TAF3: variants seen among roughly 807,000 people sequenced by gnomAD.
TAF3 encodes TATA-box binding protein associated factor 3.
In TAF3, 7 loss-of-function variants were observed where a neutral mutation model predicts 80.6. The ratio of observed to expected loss-of-function variants is 0.09; its 90% CI spans 0.05 to 0.16. The LOEUF is 0.16. Among genes scored for constraint, TAF3 ranks in the 10% least tolerant of loss-of-function variants. TAF3 has a pLI of 1.00. For synonymous variants in TAF3, 444 were observed against 446.1 expected (o/e 1.00, Z 0.06); for missense variants, 921 against 1,140.2 (o/e 0.81, Z 2.77).
In TAF3 at chr10:8,016,231, C is replaced by G. The variant is rs1832103012; in HGVS notation, c.*1480C>G. ...GATCTGTTGGATGCTAGAATATGGGCTTTGAACCTAATACAAATATATTAC... is the reference window on the plus strand; with the variant it reads ...GATCTGTTGGATGCTAGAATATGGGGTTTGAACCTAATACAAATATATTAC... On this transcript the variant is annotated 3_prime_UTR_variant, in exon 7 of 7. Coordinates refer to ENST00000344293, the MANE Select transcript of TAF3 (RefSeq NM_031923.4). 6.6e-6 allele frequency: 1 copy of G among 152,136 alleles called. No homozygotes were observed. Among genetic ancestry groups the G allele is most frequent in the South Asian group, 2.1e-4 (1 of 4,832 alleles). The allele number at this position is 152,136 out of a possible 1,614,324, so 9.4% of individuals were successfully genotyped here.
At chr10:8,014,015 G>T (rs7073640) in intron 6 of TAF3, among the ~76,000 whole-genome samples, 178 bp downstream of exon 6, 8 of 147,952 alleles carry the variant, frequency 5.4e-5, no homozygotes, top group African/African-American at 1.7e-4. Context: ...ACCCAAGAGT[G>T]CTTAGACTAT....
At chr10:8,002,244 C>A (rs1364632389) in intron 4 of TAF3, among the ~76,000 whole-genome samples, 1 of 152,206 alleles carries the variant, frequency 6.6e-6, no homozygotes, top group African/African-American at 2.4e-5. Context: ...AATTCTTTCA[C>A]TTGCTCTGTT....
At chr10:8,010,394 C>T (rs1325506508) in intron 5 of TAF3, among the ~76,000 whole-genome samples, 1 of 152,160 alleles carries the variant, frequency 6.6e-6, no homozygotes, top group Non-Finnish European at 1.5e-5. Context: ...CATGGTGGTA[C>T]TGAAATCTCA....
intron 2 of TAF3, among the ~76,000 whole-genome samples, chr10:7,855,406 A>AG (rs1417742451): frequency 6.6e-6 from 1 of 152,220 alleles, no homozygotes; most frequent in African/African-American, 2.4e-5. Context: ...CCTGAAAACA[A>AG]GGGGGAATTC....
intron 2 of TAF3, among the ~76,000 whole-genome samples, chr10:7,891,955 A>G (rs1450517025): frequency 6.6e-6 from 1 of 152,258 alleles, no homozygotes; most frequent in African/African-American, 2.4e-5. Flanking sequence ...TACAATATGT[A>G]TATAAATTGT....
At chr10:7,996,530 A>C (rs1831888807) in intron 4 of TAF3, among the ~76,000 whole-genome samples, 1 of 152,222 alleles carries the variant, frequency 6.6e-6, no homozygotes, top group Non-Finnish European at 1.5e-5. Context: ...AAAATCAGAA[A>C]GCAAAAATAT....
At chr10:7,977,468 G>C (rs1831684584) in intron 4 of TAF3, 145 bp downstream of exon 4, 1 of 624,956 alleles carries the variant, frequency 1.6e-6, no homozygotes, top group South Asian at 3.4e-5. Flanking sequence ...TCGTTTTCAA[G>C]TTTTTATTGG....
intron 4 of TAF3, among the ~76,000 whole-genome samples, chr10:7,989,512 C>G (rs528462465): frequency 6.6e-6 from 1 of 152,204 alleles, no homozygotes; most frequent in African/African-American, 2.4e-5. Flanking sequence ...TTTAAATTTC[C>G]TATGAAATAC....
chr10:7,919,743 T>A (rs537583250), intron 2 of TAF3, among the ~76,000 whole-genome samples: 1 of 152,190 alleles, frequency 6.6e-6, no homozygotes, highest in Non-Finnish European at 1.5e-5. Flanking sequence ...TATACTGTTT[T>A]TATTGCTATT....
At chr10:7,976,986 G>T (rs1831679831) in intron 3 of TAF3, among the ~76,000 whole-genome samples, 1 of 152,070 alleles carries the variant, frequency 6.6e-6, no homozygotes, top group Non-Finnish European at 1.5e-5. Context: ...ATATAATTAA[G>T]TCCAAAAGTT....
chr10:7,931,124 A>G (rs1164742004), intron 2 of TAF3, among the ~76,000 whole-genome samples: 1 of 152,210 alleles, frequency 6.6e-6, no homozygotes, highest in Non-Finnish European at 1.5e-5. Context: ...TAGATATTAT[A>G]CTTGATTAAT....
chr10:7,964,453 T>TCCAAGAGCC lies in TAF3; in HGVS notation c.951_959dup (p.Ser323_Lys325dup), dbSNP rs1564372560. 1.2e-6 allele frequency: 2 copies of TCCAAGAGCC among 1,613,712 alleles called. No homozygotes were observed. The highest frequency in any genetic ancestry group is 3.3e-5 in the Admixed American group (2 of 59,958). Reference sequence around the variant, plus strand: ...CAAAGAAAAGAAATCACCTGGACGTTCCAAGAGCCCCAAGAGTCCCAAGAG... The same window carrying TCCAAGAGCC: ...CAAAGAAAAGAAATCACCTGGACGTTCCAAGAGCCCCAAGAGCCCCAAGAGTCCCAAGAG... On this transcript the variant is annotated inframe_insertion, in exon 3 of 7. Transcript: ENST00000344293. This position sits in a 1 kb window ranked among gnomAD's most constrained non-coding sequence, Gnocchi z 4.1.
intron 3 of TAF3, among the ~76,000 whole-genome samples, chr10:7,975,992 C>T (rs902143176): frequency 6.6e-6 from 1 of 152,136 alleles, no homozygotes; most frequent in African/African-American, 2.4e-5. Context: ...AATCCTACAG[C>T]CCCACCGAAA....
intron 2 of TAF3, among the ~76,000 whole-genome samples, chr10:7,851,266 A>G (rs1837024122): frequency 1.3e-5 from 2 of 152,212 alleles, no homozygotes; most frequent in Admixed American, 6.5e-5. Context: ...CAGGCAGGCC[A>G]TCTGGGGAGT....
intron 2 of TAF3, among the ~76,000 whole-genome samples, chr10:7,839,301 A>G (rs147809071): frequency 0.011 from 1,604 of 152,108 alleles, 27 homozygotes; most frequent in African/African-American, 0.037. Flanking sequence ...TGCTGGTTTT[A>G]TTTGCCTCTG....
At chr10:8,008,006 C>T (rs1832013284) in intron 4 of TAF3, among the ~76,000 whole-genome samples, 1 of 151,732 alleles carries the variant, frequency 6.6e-6, no homozygotes, top group African/African-American at 2.4e-5. Flanking sequence ...AGTACCACAG[C>T]TCTAGCGACC....
Position 7,818,548 on chromosome 10 carries a change from C to G in TAF3, c.-162C>G. 1.5e-6 allele frequency: 1 copy of G among 678,460 alleles called. No individual in the cohort carries two copies. The highest frequency in any genetic ancestry group is 2.2e-6 in the Non-Finnish European group (1 of 445,496). The allele number at this position is 678,460 out of a possible 1,614,324, so 42.0% of individuals were successfully genotyped here. ...TCCAAAATGGCGGCTCTCAGGCTGG[C>G]GCGCTCCGTGCTGCTGGGGCTTTGA... On this transcript the variant is annotated 5_prime_UTR_variant, in exon 1 of 7. Coordinates refer to ENST00000344293, the MANE Select transcript of TAF3 (RefSeq NM_031923.4).
intron 4 of TAF3, among the ~76,000 whole-genome samples, chr10:7,997,664 G>A (rs542230947): frequency 1.6e-4 from 25 of 152,336 alleles, no homozygotes; most frequent in South Asian, 2.1e-4. Context: ...TCCAAAAGCT[G>A]TAATGCTGGC....
intron 4 of TAF3, among the ~76,000 whole-genome samples, chr10:7,985,258 C>T (rs765436867): frequency 6.6e-6 from 1 of 152,202 alleles, no homozygotes; most frequent in Non-Finnish European, 1.5e-5. Context: ...ACATCCCCCA[C>T]GGCTTGTCGT....
Sources: allele counts gnomAD v4.1 joint callset (sites outside exome capture counted in the v4.1 genomes callset), GRCh38; gene constraint gnomAD v4.1.1; non-coding constraint Gnocchi (gnomAD v3.1); transcripts MANE v1.5; gene names NCBI Gene and HGNC (gene_info 2026-07-23, HGNC 2026-07-21).